Variants in CDK14 observed in about 807,000 individuals in gnomAD.
CDK14 encodes the protein cyclin dependent kinase 14.
In CDK14, 34 loss-of-function variants were observed where a neutral mutation model predicts 60.7. The ratio of observed to expected loss-of-function variants is 0.56; its 90% CI spans 0.43 to 0.75. CDK14 has a LOEUF of 0.75. CDK14 is among the 30% of genes least tolerant of loss of function. The probability of loss-of-function intolerance (pLI) is 0.00; values close to 1 mark genes in which losing one functional copy is unlikely to be tolerated. For missense variants in CDK14, 482 were observed against 564.1 expected, an observed-to-expected ratio of 0.85 and a Z score of 1.47; for synonymous variants, 197 against 203.7, an observed-to-expected ratio of 0.97 and a Z score of 0.28.
chr7:90,980,627 A>G (rs920471529), intron 9 of CDK14, among the ~76,000 whole-genome samples: 5 of 152,198 alleles, frequency 3.3e-5, no homozygotes, highest in Non-Finnish European at 7.3e-5. Context: ...TTATACACAT[A>G]CTTTTTAATT....
At chr7:91,077,666 GA>G (rs933428972) in intron 11 of CDK14, among the ~76,000 whole-genome samples, 4 of 150,314 alleles carry the variant, frequency 2.7e-5, no homozygotes, top group Non-Finnish European at 5.9e-5. Flanking sequence ...AAGTAAAAAA[GA>G]AAAATAATAA....
rs17875107 is a variant in CDK14 at position 90,642,490 on chromosome 7, A to G, written c.123+38241A>G. ...GCTACTTTCTTTGGATAAAATTCTG[A>G]CTGACACTCAGAAAAAATGAATAGA... On this transcript the variant is annotated intron_variant, in intron 2 of 14. Coordinates refer to ENST00000380050, the MANE Select transcript of CDK14 (RefSeq NM_001287135.2). Among the ~76,000 whole-genome samples the G allele has an allele frequency of 2.8e-3, 428 of 152,240 alleles. 4 individuals carry two copies. The East Asian group carries it at 0.034, about 12-fold the overall frequency.
At chr7:90,695,341 A>C (rs1448448682) in intron 2 of CDK14, among the ~76,000 whole-genome samples, 1 of 152,250 alleles carries the variant, frequency 6.6e-6, no homozygotes, top group Non-Finnish European at 1.5e-5. Context: ...CTTTGGCGTC[A>C]TACCATGTGT....
At chr7:90,621,613 TTTCC>T (rs3835010) in intron 2 of CDK14, among the ~76,000 whole-genome samples, 18,790 of 127,706 alleles carry the variant, frequency 0.15, 1,617 homozygotes, top group Middle Eastern at 0.17. Context: ...TCAGACTTTT[TTTCC>T]TTCCTTCCTT....
intron 14 of CDK14, among the ~76,000 whole-genome samples, chr7:91,139,918 C>T (rs548859484): frequency 1.3e-5 from 2 of 151,314 alleles, no homozygotes; most frequent in South Asian, 2.1e-4. Context: ...TCTTTCAAGA[C>T]GAAGTACAGT....
chr7:90,986,443 T>A (rs191677782), intron 10 of CDK14, among the ~76,000 whole-genome samples: 46 of 152,062 alleles, frequency 3.0e-4, no homozygotes, highest in Admixed American at 9.2e-4. Flanking sequence ...CTTATTCACT[T>A]TATTGAGATT....
chr7:90,671,102 A>G (rs1801088856), intron 2 of CDK14, among the ~76,000 whole-genome samples: 1 of 152,082 alleles, frequency 6.6e-6, no homozygotes, highest in Admixed American at 6.5e-5. Context: ...CTCTCCTGGA[A>G]TGGCTAGTTA....
intron 2 of CDK14, among the ~76,000 whole-genome samples, chr7:90,622,277 C>CTGT (rs574679546): frequency 9.5e-6 from 1 of 105,294 alleles, no homozygotes; most frequent in Non-Finnish European, 1.9e-5. Context: ...CTTTTTATCC[C>CTGT]TGTTGTTTGG....
chr7:91,193,509 T>C (rs960366226), intron 14 of CDK14, among the ~76,000 whole-genome samples: 17 of 152,144 alleles, frequency 1.1e-4, no homozygotes, highest in African/African-American at 3.6e-4. Context: ...TAAAGACATT[T>C]TTACTGTCTT....
chr7:90,644,288 A>G (rs17866278), intron 2 of CDK14, among the ~76,000 whole-genome samples: 2,118 of 152,372 alleles, frequency 0.014, 64 homozygotes, highest in African/African-American at 0.046. Context: ...AGACGAAAAC[A>G]GTCATAATGA....
intron 2 of CDK14, among the ~76,000 whole-genome samples, chr7:90,613,409 G>C (rs114336202): frequency 6.6e-6 from 1 of 152,170 alleles, no homozygotes; most frequent in African/African-American, 2.4e-5. Flanking sequence ...GAATTCATTT[G>C]TTGAAAGCTG....
chr7:90,698,437 G>T (rs7804518), intron 2 of CDK14, among the ~76,000 whole-genome samples: 61,334 of 151,922 alleles, frequency 0.4, 12,941 homozygotes, highest in East Asian at 0.67. Flanking sequence ...TTTCTGACTG[G>T]TATTTAACAT....
At chr7:90,975,302 T>TTA (rs1795036708) in intron 9 of CDK14, among the ~76,000 whole-genome samples, 1 of 151,948 alleles carries the variant, frequency 6.6e-6, no homozygotes, top group Admixed American at 6.6e-5. Context: ...ATAGAGTATA[T>TTA]TATATATATT....
chr7:90,805,808 A>C lies in CDK14; in HGVS notation c.544+15156A>C, dbSNP rs568834407. Among the ~76,000 whole-genome samples, 7 of 152,294 alleles carry C rather than the reference A, an allele frequency of 4.6e-5. No individual in the cohort carries two copies. In the East Asian group the frequency reaches 1.3e-3, roughly 29 times the overall value. ...ACAATTATATTTCATATATTACATT[A>C]TATGAAAATGTAATGAACTGGAATT... On this transcript the variant is annotated intron_variant, in intron 5 of 14. Transcript: ENST00000380050.
rs1277087617 is a variant in CDK14 at position 90,891,359 on chromosome 7, A to G, written c.640-7932A>G. ...TATTGACTAGTTTGTAACATATCCCATTTTTAAAACAATGTGTTCACTTAA... is the reference window on the plus strand; with the variant it reads ...TATTGACTAGTTTGTAACATATCCCGTTTTTAAAACAATGTGTTCACTTAA... On this transcript the variant is annotated intron_variant, in intron 6 of 14. Coordinates refer to ENST00000380050, the MANE Select transcript of CDK14 (RefSeq NM_001287135.2). 2.0e-5 allele frequency among the ~76,000 whole-genome samples: 3 copies of G among 152,194 alleles called. No homozygotes were observed. In the East Asian group the frequency reaches 5.8e-4, roughly 29 times the overall value.
intron 2 of CDK14, among the ~76,000 whole-genome samples, chr7:90,652,040 G>C (rs1486958337): frequency 6.6e-6 from 1 of 152,112 alleles, no homozygotes; most frequent in East Asian, 1.9e-4. Flanking sequence ...CACAGACACT[G>C]CTCACCAGTG....
intron 2 of CDK14, among the ~76,000 whole-genome samples, chr7:90,619,194 G>A (rs1799715861): frequency 6.6e-6 from 1 of 152,068 alleles, no homozygotes; most frequent in Non-Finnish European, 1.5e-5. Flanking sequence ...TTTATCTTGA[G>A]GGTAAAGGAA....
At chr7:90,982,127 A>G (rs912916079) in intron 9 of CDK14, among the ~76,000 whole-genome samples, 1 of 152,150 alleles carries the variant, frequency 6.6e-6, no homozygotes, top group Non-Finnish European at 1.5e-5. Context: ...CTAGGTGGGA[A>G]CTGTGAGCAT....
At chr7:91,058,314 G>A (rs945312750) in intron 11 of CDK14, among the ~76,000 whole-genome samples, 151 of 152,172 alleles carry the variant, frequency 9.9e-4, no homozygotes, top group African/African-American at 1.8e-3. Flanking sequence ...GGGCTGAGAC[G>A]ATGGGGTTTT....
Sources: gnomAD v4.1 joint callset for allele counts (sites outside exome capture counted in the v4.1 genomes callset) on GRCh38, gnomAD v4.1.1 for gene constraint, MANE v1.5 for transcripts, NCBI Gene and HGNC (gene_info 2026-07-23, HGNC 2026-07-21) for gene names.